The following SORCS1 variants were observed in gnomAD, a reference collection of about 807,000 sequenced individuals.
SORCS1 encodes sortilin related VPS10 domain containing receptor 1.
A neutral mutation model predicts 146.1 loss-of-function variants in SORCS1; 60 were observed. The observed-to-expected ratio is 0.41, with a 90% CI of 0.33 to 0.51. SORCS1 has a LOEUF of 0.51. SORCS1 is among the 20% of genes least tolerant of loss of function. The pLI, the probability that SORCS1 is intolerant of heterozygous loss-of-function variation, is 0.21. For synonymous variants in SORCS1, 637 were observed against 584.0 expected, an observed-to-expected ratio of 1.09 and a Z score of -1.31; for missense variants, 1,352 against 1,487.6, an observed-to-expected ratio of 0.91 and a Z score of 1.50.
At chr10:107,131,268 T>C (rs1220488264) in intron 1 of SORCS1, among the ~76,000 whole-genome samples, 1 of 152,182 alleles carries the variant, frequency 6.6e-6, no homozygotes, top group Non-Finnish European at 1.5e-5. Context: ...ATCTTTCACA[T>C]CACATTTCTG....
intron 2 of SORCS1, among the ~76,000 whole-genome samples, chr10:106,895,405 G>A (rs1213648002): frequency 6.6e-6 from 1 of 152,190 alleles, no homozygotes; most frequent in East Asian, 1.9e-4. Flanking sequence ...GAGGTCAGGA[G>A]TTCAAGACCA....
intron 3 of SORCS1, among the ~76,000 whole-genome samples, chr10:106,779,221 T>C (rs1312799235): frequency 2.0e-5 from 3 of 152,168 alleles, no homozygotes; most frequent in East Asian, 1.9e-4. Context: ...TAATGGGAAA[T>C]AGAAATTTCC....
At chr10:107,076,929 T>C (rs993235989) in intron 1 of SORCS1, among the ~76,000 whole-genome samples, 1 of 152,162 alleles carries the variant, frequency 6.6e-6, no homozygotes, top group Non-Finnish European at 1.5e-5. Context: ...TTAACTCCTT[T>C]GCGAAAAATC....
At chr10:106,772,319 C>A (rs1342502744) in intron 4 of SORCS1, among the ~76,000 whole-genome samples, 1 of 152,036 alleles carries the variant, frequency 6.6e-6, no homozygotes, top group Non-Finnish European at 1.5e-5. Context: ...TTGGTTCCAC[C>A]CCCAACCAAT....
chr10:106,907,744 T>A (rs1335237507), intron 2 of SORCS1, among the ~76,000 whole-genome samples: 1 of 151,938 alleles, frequency 6.6e-6, no homozygotes, highest in Non-Finnish European at 1.5e-5. Context: ...CCGACCAACA[T>A]GGAGAAAATC....
At chr10:106,787,791 C>T (rs997228660) in intron 3 of SORCS1, among the ~76,000 whole-genome samples, 3 of 152,146 alleles carry the variant, frequency 2.0e-5, no homozygotes, top group Non-Finnish European at 2.9e-5. Context: ...AGAATAATTC[C>T]TAATCAAGGG....
chr10:106,795,287 T>C (rs1321014608), intron 3 of SORCS1, among the ~76,000 whole-genome samples: 2 of 152,102 alleles, frequency 1.3e-5, no homozygotes, highest in Non-Finnish European at 2.9e-5. Flanking sequence ...AGTTGTTTTT[T>C]TTTGTTTGTT....
At chr10:106,828,525 G>A (rs1268445676) in intron 3 of SORCS1, among the ~76,000 whole-genome samples, 3 of 152,196 alleles carry the variant, frequency 2.0e-5, no homozygotes, top group African/African-American at 7.2e-5. Context: ...CCCTACCCAA[G>A]GTCACTAACA....
chr10:106,767,508 A>C (rs1589834492), intron 4 of SORCS1, among the ~76,000 whole-genome samples: 1 of 151,970 alleles, frequency 6.6e-6, no homozygotes, highest in Admixed American at 6.5e-5. Flanking sequence ...TTTATTTTTG[A>C]GACAGAGTTT....
chr10:107,012,378 G>C (rs1957730414), intron 1 of SORCS1, among the ~76,000 whole-genome samples: 1 of 152,170 alleles, frequency 6.6e-6, no homozygotes, highest in Non-Finnish European at 1.5e-5. Flanking sequence ...AATTCACACA[G>C]GGATGCTCAC....
intron 4 of SORCS1, among the ~76,000 whole-genome samples, chr10:106,771,915 G>C (rs895970544): frequency 6.6e-6 from 1 of 152,140 alleles, no homozygotes; most frequent in African/African-American, 2.4e-5. Context: ...ATGGGTAAAA[G>C]GCTCCACACA....
intron 1 of SORCS1, among the ~76,000 whole-genome samples, chr10:107,023,432 T>G (rs6584780): frequency 0.39 from 58,840 of 151,992 alleles, 11,726 homozygotes; most frequent in African/African-American, 0.48. Context: ...AGAATTTTAG[T>G]CAATATATAC....
intron 1 of SORCS1, among the ~76,000 whole-genome samples, chr10:107,123,819 T>C (rs1590189293): frequency 6.6e-6 from 1 of 151,792 alleles, no homozygotes; most frequent in Non-Finnish European, 1.5e-5. Flanking sequence ...GGCTCACGCC[T>C]GTAATCCCAG....
At position 106,961,091 on chromosome 10, in the gene SORCS1, CACAA is replaced by C. The variant is rs532820582; in HGVS notation, c.559-4515_559-4512del. Among the ~76,000 whole-genome samples the C allele has an allele frequency of 4.2e-3, 643 of 152,258 alleles. 7 individuals carry two copies. The highest frequency in any genetic ancestry group is 0.014 in the African/African-American group (600 of 41,548). On this transcript the variant is annotated intron_variant, in intron 1 of 25. Transcript: ENST00000263054. ...CACTGGGTTACAGAACAAAAGCATT[CACAA>C]ACAGATGCTGGTATATGGATGACTA...
intron 1 of SORCS1, among the ~76,000 whole-genome samples, chr10:106,995,757 A>C (rs1479716351): frequency 2.0e-5 from 3 of 152,198 alleles, no homozygotes; most frequent in Non-Finnish European, 2.9e-5. Context: ...AGTAGCAGCA[A>C]CAATAATAAT....
Position 106,772,929 on chromosome 10 carries a change from G to A in SORCS1, c.885+3605C>T, listed in dbSNP as rs1337678425. 2.6e-5 allele frequency among the ~76,000 whole-genome samples: 4 copies of A among 152,208 alleles called. No homozygotes were observed. The East Asian group carries it at 7.7e-4, about 29-fold the overall frequency. ...TAGGAGCTTAAAAGTCACATGCACT[G>A]AAGGAGAGAAAAAGCAATGTCAGGG... is the stretch of plus-strand genomic sequence containing the variant. On this transcript the variant is annotated intron_variant, in intron 4 of 25. Coordinates refer to ENST00000263054, the MANE Select transcript of SORCS1 (RefSeq NM_052918.5).
chr10:107,087,165 T>C (rs1963824423), intron 1 of SORCS1, among the ~76,000 whole-genome samples: 1 of 152,228 alleles, frequency 6.6e-6, no homozygotes, highest in African/African-American at 2.4e-5. Flanking sequence ...GGGTTGTCTT[T>C]GGTGAGACAA....
chr10:107,001,573 C>T (rs541068834), intron 1 of SORCS1, among the ~76,000 whole-genome samples: 2 of 152,324 alleles, frequency 1.3e-5, no homozygotes, highest in African/African-American at 4.8e-5. Context: ...AAGCGATTCT[C>T]CTGCCTCAGC....
chr10:107,013,683 T>C (rs755068083), intron 1 of SORCS1, among the ~76,000 whole-genome samples: 13 of 152,066 alleles, frequency 8.5e-5, no homozygotes, highest in Non-Finnish European at 1.9e-4. Flanking sequence ...CTTTGGCCAG[T>C]GGTTGGAAGA....
Sources: gnomAD v4.1 joint callset for allele counts (sites outside exome capture counted in the v4.1 genomes callset) on GRCh38, gnomAD v4.1.1 for gene constraint, MANE v1.5 for transcripts, NCBI Gene and HGNC (gene_info 2026-07-23, HGNC 2026-07-21) for gene names.